CYSLTR2: variants seen among roughly 807,000 people sequenced by gnomAD.
CYSLTR2 encodes the protein cysteinyl leukotriene receptor 2.
For synonymous variants in CYSLTR2, 179 were observed against 160.8 expected (o/e 1.11, Z -0.86); for missense variants, 398 against 411.9 (o/e 0.97, Z 0.29).
intron 1 of CYSLTR2, among the ~76,000 whole-genome samples, chr13:48,684,795 G>A (rs1953855261): frequency 1.3e-5 from 2 of 152,144 alleles, no homozygotes. Flanking sequence ...GGATATGGTG[G>A]ACCCTAAGCC....
intron 2 of CYSLTR2, among the ~76,000 whole-genome samples, 178 bp downstream of exon 2, chr13:48,691,479 A>G (rs1954036940): frequency 6.6e-6 from 1 of 152,102 alleles, no homozygotes; most frequent in African/African-American, 2.4e-5. Context: ...GGGAATTATT[A>G]GGTTTAGTGT....
At chr13:48,690,936 G>C (rs188754345) in intron 1 of CYSLTR2, among the ~76,000 whole-genome samples, 4 of 152,086 alleles carry the variant, frequency 2.6e-5, no homozygotes, top group Admixed American at 2.6e-4. Context: ...TTAAGAACTT[G>C]TTATTGGAGA....
chr13:48,705,674 C>T (rs989963170), intron 4 of CYSLTR2, among the ~76,000 whole-genome samples: 4 of 149,504 alleles, frequency 2.7e-5, no homozygotes, highest in Admixed American at 6.7e-5. Context: ...CATCATTCTA[C>T]CAGTTCAAGT....
At chr13:48,696,890 G>T (rs12869467) in intron 4 of CYSLTR2, among the ~76,000 whole-genome samples, 31,266 of 152,042 alleles carry the variant, frequency 0.21, 4,005 homozygotes, top group East Asian at 0.34. Flanking sequence ...AGGGTCCCAC[G>T]CCCACGGAGC....
chr13:48,663,577 G>A (rs576026234), intron 1 of CYSLTR2, among the ~76,000 whole-genome samples: 1 of 151,870 alleles, frequency 6.6e-6, no homozygotes, highest in South Asian at 2.1e-4. Context: ...TCTTCCTAAG[G>A]TTGTTTTTTG....
At chr13:48,675,566 T>C (rs1382938722) in intron 1 of CYSLTR2, among the ~76,000 whole-genome samples, 1 of 149,860 alleles carries the variant, frequency 6.7e-6, no homozygotes, top group Non-Finnish European at 1.5e-5. Flanking sequence ...CAGTGGATCT[T>C]AGCTTGCTGG....
Position 48,707,042 on chromosome 13 carries a change from T to A in CYSLTR2, c.225T>A (p.Val75=). Residue 75 remains valine, a synonymous_variant, in exon 5 of 5, where the codon GTT becomes GTA. Transcript: ENST00000682523. ...QPYKKSTSVN[V]FMLNLAISDL... ...ATAAGAAGTCCACATCTGTGAACGTTTTCATGCTAAATCTGGCCATTTCAG... is the reference window on the plus strand; with the variant it reads ...ATAAGAAGTCCACATCTGTGAACGTATTCATGCTAAATCTGGCCATTTCAG... The A allele has an allele frequency of 6.2e-7, 1 of 1,614,196 alleles. No individual in the cohort carries two copies. The highest frequency in any genetic ancestry group is 8.5e-7 in the Non-Finnish European group (1 of 1,180,038).
At chr13:48,676,789 C>A (rs1380482285) in intron 1 of CYSLTR2, among the ~76,000 whole-genome samples, 1 of 152,192 alleles carries the variant, frequency 6.6e-6, no homozygotes, top group African/African-American at 2.4e-5. Flanking sequence ...CTCCTAGTCC[C>A]AGATTTGTTT....
chr13:48,697,853 A>G (rs747021958), intron 4 of CYSLTR2, among the ~76,000 whole-genome samples: 4 of 152,228 alleles, frequency 2.6e-5, no homozygotes, highest in Admixed American at 2.0e-4. Context: ...ACCACAGCAC[A>G]AGAACTATGT....
intron 1 of CYSLTR2, among the ~76,000 whole-genome samples, chr13:48,663,588 T>G (rs946256721): frequency 2.0e-5 from 3 of 152,056 alleles, no homozygotes; most frequent in African/African-American, 7.2e-5. Context: ...TTGTTTTTTG[T>G]TTGTTTGTAG....
chr13:48,692,001 T>C (rs1954051301), intron 2 of CYSLTR2, among the ~76,000 whole-genome samples: 1 of 151,986 alleles, frequency 6.6e-6, no homozygotes, highest in Non-Finnish European at 1.5e-5. Context: ...ACAAAACAAA[T>C]CTTGTGTTAC....
chr13:48,655,717 T>G (rs1952982025), intron 1 of CYSLTR2, among the ~76,000 whole-genome samples: 1 of 152,232 alleles, frequency 6.6e-6, no homozygotes, highest in Non-Finnish European at 1.5e-5. Flanking sequence ...GTTCATTTGA[T>G]CCACATACTA....
At chr13:48,690,061 A>G (rs1953999578) in intron 1 of CYSLTR2, among the ~76,000 whole-genome samples, 1 of 151,824 alleles carries the variant, frequency 6.6e-6, no homozygotes, top group Non-Finnish European at 1.5e-5. Flanking sequence ...CTGCTTGTTT[A>G]TTATTGGTGT....
rs530007953 is a variant in CYSLTR2 at position 48,707,854 on chromosome 13, T to C, written c.1037T>C (p.Val346Ala). 6.6e-7 allele frequency: 1 copy of C among 1,519,682 alleles called. No individual in the cohort carries two copies. The highest frequency in any genetic ancestry group is 1.3e-5 in the South Asian group (1 of 74,368). 94.1% of individuals were successfully genotyped at this position (1,519,682 alleles called of 1,614,324 possible). ...VSVWLRKETR[V>A] ...GTGTGGTTGAGAAAGGAAACAAGAGTATAAGGAGCTCTTAGATGAGACCTG... is the reference window on the plus strand; with the variant it reads ...GTGTGGTTGAGAAAGGAAACAAGAGCATAAGGAGCTCTTAGATGAGACCTG... Residue 346 changes from valine to alanine, a missense_variant, in exon 5 of 5, where the codon GTA (valine) becomes GCA (alanine). Physicochemically the swap from Val to Ala is moderately conservative, Grantham distance 64. Coordinates refer to ENST00000682523, the MANE Select transcript of CYSLTR2 (RefSeq NM_001308476.3).
chr13:48,686,883 A>T (rs1183816454), intron 1 of CYSLTR2, among the ~76,000 whole-genome samples: 1 of 152,184 alleles, frequency 6.6e-6, no homozygotes, highest in African/African-American at 2.4e-5. Context: ...GGATTAAGGA[A>T]TACCTGGAGA....
At chr13:48,684,391 A>G (rs775219610) in intron 1 of CYSLTR2, among the ~76,000 whole-genome samples, 3 of 151,670 alleles carry the variant, frequency 2.0e-5, no homozygotes, top group Non-Finnish European at 4.4e-5. Context: ...CATTCCCATA[A>G]GGTATAAAAA....
intron 1 of CYSLTR2, among the ~76,000 whole-genome samples, chr13:48,677,340 C>CA (rs1953624267): frequency 6.6e-6 from 1 of 151,336 alleles, no homozygotes; most frequent in Admixed American, 6.6e-5. Context: ...AGATAATGAC[C>CA]AAAAAACGAC....
At chr13:48,677,447 T>C (rs1194204470) in intron 1 of CYSLTR2, among the ~76,000 whole-genome samples, 1 of 152,134 alleles carries the variant, frequency 6.6e-6, no homozygotes, top group Non-Finnish European at 1.5e-5. Flanking sequence ...GAGGAATCAC[T>C]AGCATTTGAT....
chr13:48,695,413 C>T (rs955449885), intron 3 of CYSLTR2, among the ~76,000 whole-genome samples: 1 of 147,872 alleles, frequency 6.8e-6, no homozygotes. Context: ...CTCTTTCTCT[C>T]TCTCTCTCTC....
Sources: gnomAD v4.1 joint callset for allele counts (sites outside exome capture counted in the v4.1 genomes callset) on GRCh38, gnomAD v4.1.1 for gene constraint, MANE v1.5 for transcripts, NCBI Gene and HGNC (gene_info 2026-07-23, HGNC 2026-07-21) for gene names.